RPRD2: variants seen among roughly 807,000 people sequenced by gnomAD.
The protein encoded by RPRD2 is regulation of nuclear pre-mRNA domain containing 2, also known as regulation of nuclear pre-mRNA domain-containing protein 2.
In RPRD2, 12 loss-of-function variants were observed where a neutral mutation model predicts 104.4. The ratio of observed to expected loss-of-function variants is 0.11; its 90% CI spans 0.07 to 0.19. RPRD2 has a LOEUF of 0.19. Among genes scored for constraint, RPRD2 ranks in the 10% least tolerant of loss-of-function variants. The probability of loss-of-function intolerance (pLI) is 1.00; values close to 1 mark genes in which losing one functional copy is unlikely to be tolerated. For synonymous variants in RPRD2, 714 were observed against 684.9 expected (o/e 1.04, Z -0.66); for missense variants, 1,543 against 1,790.1 (o/e 0.86, Z 2.49).
At chr1:150,412,308 C>A (rs1664001752) in intron 1 of RPRD2, among the ~76,000 whole-genome samples, 1 of 151,986 alleles carries the variant, frequency 6.6e-6, no homozygotes, top group Non-Finnish European at 1.5e-5. Flanking sequence ...TTTCATTCCT[C>A]CAGAATTTCC....
chr1:150,371,710 A>G (rs1343799892), intron 1 of RPRD2, among the ~76,000 whole-genome samples: 1 of 152,190 alleles, frequency 6.6e-6, no homozygotes, highest in African/African-American at 2.4e-5. Context: ...TACACAGCTA[A>G]TAGGTGGTGG....
rs1553882545 is a variant in RPRD2, at chr1:150,388,493, CCG to C, written c.205+23578_205+23579del. On this transcript the variant is annotated intron_variant, in intron 1 of 10. Transcript: ENST00000369068. ...ATACACATACACTATATATATATAC[CCG>C]CGCACACACACACACACACACACAC... Among the ~76,000 whole-genome samples, 10 of 145,088 alleles carry C rather than the reference CCG, an allele frequency of 6.9e-5. No homozygotes were observed. The East Asian group carries it at 2.1e-3, about 31-fold the overall frequency.
chr1:150,398,187 A>ATTTAT (rs71086507), intron 1 of RPRD2, among the ~76,000 whole-genome samples: 22 of 132,404 alleles, frequency 1.7e-4, no homozygotes, highest in East Asian at 1.4e-3. Context: ...GTGTTTTTAT[A>ATTTAT]TTTATTTTAT....
At position 150,474,207 on chromosome 1, in the gene RPRD2, A is replaced by C. The variant is rs752821704; in HGVS notation, c.*873A>C. ...AGAAAGACAGTCACTACAGTTGACT[A>C]TTGATACAAAGGTGCAACAGAAATA... On this transcript the variant is annotated 3_prime_UTR_variant, in exon 11 of 11. Coordinates refer to ENST00000369068, the MANE Select transcript of RPRD2 (RefSeq NM_015203.5). The C allele has an allele frequency of 6.6e-6, 1 of 152,190 alleles. No homozygotes were observed. Among genetic ancestry groups the C allele is most frequent in the African/African-American group, 2.4e-5 (1 of 41,456 alleles). The allele number at this position is 152,190 out of a possible 1,614,324, so 9.4% of individuals were successfully genotyped here. A position where few individuals can be genotyped will look rare whatever the true frequency, so the allele number is the denominator to read the frequency against.
At chr1:150,450,731 C>T (rs1297139036) in intron 7 of RPRD2, among the ~76,000 whole-genome samples, 1 of 151,474 alleles carries the variant, frequency 6.6e-6, no homozygotes, top group Non-Finnish European at 1.5e-5. Context: ...AGCGATTCTT[C>T]TGCCTCAGCC....
intron 1 of RPRD2, among the ~76,000 whole-genome samples, chr1:150,376,146 T>C (rs1436651682): frequency 6.6e-6 from 1 of 152,336 alleles, no homozygotes; most frequent in South Asian, 2.1e-4. Context: ...TAGAGAAATA[T>C]TGAAATAGAG....
chr1:150,388,062 G>C (rs1661732793), intron 1 of RPRD2, among the ~76,000 whole-genome samples: 1 of 151,440 alleles, frequency 6.6e-6, no homozygotes, highest in Non-Finnish European at 1.5e-5. Context: ...GACTACAGGG[G>C]TGCACTAGCA....
At chr1:150,405,970 C>T (rs1663440849) in intron 1 of RPRD2, among the ~76,000 whole-genome samples, 1 of 151,926 alleles carries the variant, frequency 6.6e-6, no homozygotes, top group Non-Finnish European at 1.5e-5. Context: ...TTTGGATATG[C>T]CAAAGAAAAG....
At chr1:150,448,831 T>A (rs1359719099) in intron 7 of RPRD2, among the ~76,000 whole-genome samples, 1 of 152,210 alleles carries the variant, frequency 6.6e-6, no homozygotes, top group Non-Finnish European at 1.5e-5. Context: ...AGCTCTTAAC[T>A]GTTGTCCTGA....
chr1:150,418,564 G>T (rs1338265188), intron 2 of RPRD2, among the ~76,000 whole-genome samples: 25 of 152,114 alleles, frequency 1.6e-4, no homozygotes, highest in Non-Finnish European at 7.4e-5. Context: ...ACTTCCCACA[G>T]TGTATTCCTA....
chr1:150,430,999 G>A (rs1665527676), intron 2 of RPRD2, among the ~76,000 whole-genome samples: 1 of 151,368 alleles, frequency 6.6e-6, no homozygotes, highest in Admixed American at 6.6e-5. Context: ...GATAAAGGAA[G>A]CAATAACATA....
chr1:150,383,369 C>G (rs1661297341), intron 1 of RPRD2, among the ~76,000 whole-genome samples: 1 of 142,336 alleles, frequency 7.0e-6, no homozygotes, highest in South Asian at 2.2e-4. Flanking sequence ...GAGTGCAGTG[C>G]AGTGGCGCAA....
intron 1 of RPRD2, among the ~76,000 whole-genome samples, chr1:150,400,954 A>G (rs1341207150): frequency 1.3e-5 from 2 of 151,842 alleles, no homozygotes; most frequent in Non-Finnish European, 2.9e-5. Flanking sequence ...AGGTGGGTGG[A>G]TCACGAGGTC....
In RPRD2 at chr1:150,443,252, C is replaced by G; in HGVS notation, c.536C>G (p.Ala179Gly). ...ACAGCATCTACAAATCCAAAAGCTG[C>G]TCTCAAGTCTAAGATAGTTGCTGAA... The part of the protein sequence containing the change: ...KSQTSTNPKA[A>G]LKSKIVAEFR... Residue 179 changes from alanine to glycine, a missense_variant, in exon 5 of 11, where the codon GCT becomes GGT. This residue lies in a region of RPRD2 where 572 missense variants were observed against 787.3 expected (regional missense o/e 0.73). Transcript: ENST00000369068. 1.3e-6 allele frequency: 2 copies of G among 1,577,330 alleles called. No individual in the cohort carries two copies. The highest frequency in any genetic ancestry group is 1.7e-6 in the Non-Finnish European group (2 of 1,159,788).
chr1:150,440,947 A>G lies in RPRD2; in HGVS notation c.360A>G (p.Val120=). Residue 120 remains valine, a synonymous_variant, in exon 3 of 11, where the codon GTA becomes GTG. Coordinates refer to ENST00000369068, the MANE Select transcript of RPRD2 (RefSeq NM_015203.5). The part of the protein sequence containing the change: ...LVKDPSVSKS[V]ERIFKIWEDR... Reference sequence around the variant, plus strand: ...GGGATCCATCTGTCTCTAAGTCTGTAGAACGAATCTTTAAAATCTGGGAAG... The same window carrying G: ...GGGATCCATCTGTCTCTAAGTCTGTGGAACGAATCTTTAAAATCTGGGAAG... 1 of 1,573,422 alleles carries G rather than the reference A, an allele frequency of 6.4e-7. No individual in the cohort carries two copies. Among genetic ancestry groups the G allele is most frequent in the Non-Finnish European group, 8.7e-7 (1 of 1,155,704 alleles).
chr1:150,472,040 G>A lies in RPRD2; in HGVS notation c.3092G>A (p.Ser1031Asn). The A allele has an allele frequency of 1.2e-6, 2 of 1,613,830 alleles. No homozygotes were observed. Among genetic ancestry groups the A allele is most frequent in the South Asian group, 1.1e-5 (1 of 91,084 alleles). ...GATAAGCATTTTGGCCAGGCTCCCA[G>A]CAAGGGCACTCCAAGTGATGGTGTC... is the stretch of plus-strand genomic sequence containing the variant. Reference protein sequence around the residue: ...SDDKHFGQAPSKGTPSDGVSL... With the variant: ...SDDKHFGQAPNKGTPSDGVSL... The change falls in exon 11 of 11, where the codon AGC becomes AAC. Residue 1031 changes from serine (S) to asparagine (N), a missense_variant. Ser to Asn is a conservative substitution (Grantham distance 46, BLOSUM62 1). This residue lies in a region of RPRD2 where 880 missense variants were observed against 885.6 expected (regional missense o/e 0.99). Coordinates refer to ENST00000369068, the MANE Select transcript of RPRD2 (RefSeq NM_015203.5).
At chr1:150,387,548 TACAGAAGTTGCA>T (rs1560158082) in intron 1 of RPRD2, among the ~76,000 whole-genome samples, 10 of 139,410 alleles carry the variant, frequency 7.2e-5, no homozygotes. Context: ...AACTAAATCT[TACAGAAGTTGCA>T]ACAGACCTTT....
intron 1 of RPRD2, among the ~76,000 whole-genome samples, chr1:150,370,925 A>G (rs188839539): frequency 9.9e-5 from 15 of 152,274 alleles, no homozygotes; most frequent in South Asian, 2.1e-4. Flanking sequence ...GGGTAATGAC[A>G]CACCACCTTT....
chr1:150,419,669 T>C (rs1664619732), intron 2 of RPRD2, among the ~76,000 whole-genome samples: 1 of 152,228 alleles, frequency 6.6e-6, no homozygotes, highest in Non-Finnish European at 1.5e-5. Flanking sequence ...TTGCCCAGGC[T>C]GGAGTGCAGT....
Sources: allele counts gnomAD v4.1 joint callset (sites outside exome capture counted in the v4.1 genomes callset), GRCh38; gene constraint gnomAD v4.1.1; regional missense constraint gnomAD v4.1.1; transcripts MANE v1.5; gene names NCBI Gene and HGNC (gene_info 2026-07-23, HGNC 2026-07-21).